The following FLRT2 variants were observed in gnomAD, a reference collection of about 807,000 sequenced individuals.
The protein encoded by FLRT2 is leucine-rich repeat transmembrane protein FLRT2.
A neutral mutation model predicts 40.0 loss-of-function variants in FLRT2; 15 were observed. The ratio of observed to expected loss-of-function variants is 0.38; its 90% CI spans 0.25 to 0.58. The LOEUF is 0.58. Among genes scored for constraint, FLRT2 ranks in the 20% least tolerant of loss-of-function variants. The pLI is 0.71. For missense variants in FLRT2, 726 were observed against 840.0 expected (o/e 0.86, Z 1.68); for synonymous variants, 380 against 336.8 (o/e 1.13, Z -1.41).
chr14:85,643,350 TCTTTCTTC>T lies in FLRT2; in HGVS notation c.*19857_*19864del, dbSNP rs1437194031. ...TTCTTTCTTTCTTTCTTTCTTTCTT[TCTTTCTTC>T]CTTCCTTCCTTCCTTCCTTTCTTTC... On this transcript the variant is annotated 3_prime_UTR_variant, in exon 2 of 2. Transcript: ENST00000330753. 0.011 allele frequency: 460 copies of T among 42,716 alleles called. 9 individuals are homozygous for T. Among genetic ancestry groups the T allele is most frequent in the African/African-American group, 0.031 (432 of 13,962 alleles). 2.6% of individuals were successfully genotyped at this position (42,716 alleles called of 1,614,324 possible).
chr14:85,585,190 C>T (rs1214338145), intron 1 of FLRT2, among the ~76,000 whole-genome samples: 1 of 152,120 alleles, frequency 6.6e-6, no homozygotes, highest in Non-Finnish European at 1.5e-5. Context: ...AGTCATCTGT[C>T]ATCAACACTC....
intron 1 of FLRT2, among the ~76,000 whole-genome samples, chr14:85,553,307 A>G (rs1182192568): frequency 1.3e-5 from 2 of 152,204 alleles, no homozygotes; most frequent in Admixed American, 1.3e-4. Flanking sequence ...GTAGTGGCCA[A>G]CTTTTAAATT....
rs75026625 is a variant in FLRT2, at chr14:85,638,568, A to G, written c.*15071A>G. ...TGTATGCTACTCTGTCTCAGAGTCC[A>G]TTTCCTTGGGAACCCAACCTGCTAC... On this transcript the variant is annotated 3_prime_UTR_variant, in exon 2 of 2. Coordinates refer to ENST00000330753, the MANE Select transcript of FLRT2 (RefSeq NM_013231.6). 4,421 of 152,208 alleles carry G rather than the reference A, an allele frequency of 0.029. 99 individuals carry two copies. The highest frequency in any genetic ancestry group is 0.098 in the East Asian group (507 of 5,158). 9.4% of individuals were successfully genotyped at this position (152,208 alleles called of 1,614,324 possible).
At chr14:85,602,872 G>T (rs1473365964) in intron 1 of FLRT2, among the ~76,000 whole-genome samples, 1 of 152,108 alleles carries the variant, frequency 6.6e-6, no homozygotes, top group East Asian at 1.9e-4. Context: ...CCAGAATAAT[G>T]ATTACCTCTG....
Position 85,623,550 on chromosome 14 carries a change from C to G in FLRT2, c.*53C>G, listed in dbSNP as rs1439566588. ...GGACAATTAGACTCTTGAGAACACA[C>G]TCGTGTGTGCACATAAAGACACGCA... On this transcript the variant is annotated 3_prime_UTR_variant, in exon 2 of 2. Coordinates refer to ENST00000330753, the MANE Select transcript of FLRT2 (RefSeq NM_013231.6). 1 of 1,339,364 alleles carries G rather than the reference C, an allele frequency of 7.5e-7. No homozygotes were observed. Among genetic ancestry groups the G allele is most frequent in the African/African-American group, 1.5e-5 (1 of 67,806 alleles). The allele number at this position is 1,339,364 out of a possible 1,614,324, so 83.0% of individuals were successfully genotyped here. A position where few individuals can be genotyped will look rare whatever the true frequency, so the allele number is the denominator to read the frequency against.
At position 85,643,354 on chromosome 14, in the gene FLRT2, T is replaced by TCTTCCTTCCTTCCTTCCTTC. The variant is rs67796225; in HGVS notation, c.*19861_*19880dup. Reference sequence around the variant, plus strand: ...TTCTTTCTTTCTTTCTTTCTTTCTTTCTTCCTTCCTTCCTTCCTTCCTTTC... The same window carrying TCTTCCTTCCTTCCTTCCTTC: ...TTCTTTCTTTCTTTCTTTCTTTCTTTCTTCCTTCCTTCCTTCCTTCCTTCCTTCCTTCCTTCCTTCCTTTC... On this transcript the variant is annotated 3_prime_UTR_variant, in exon 2 of 2. Coordinates refer to ENST00000330753, the MANE Select transcript of FLRT2 (RefSeq NM_013231.6). The TCTTCCTTCCTTCCTTCCTTC allele has an allele frequency of 1.0e-3, 46 of 46,078 alleles. 1 individual carries two copies. Among genetic ancestry groups the TCTTCCTTCCTTCCTTCCTTC allele is most frequent in the African/African-American group, 2.3e-3 (31 of 13,280 alleles). The allele number at this position is 46,078 out of a possible 1,614,324, so 2.9% of individuals were successfully genotyped here. A position where few individuals can be genotyped will look rare whatever the true frequency, so the allele number is the denominator to read the frequency against.
chr14:85,537,885 G>A (rs539263428), intron 1 of FLRT2, among the ~76,000 whole-genome samples: 2 of 150,296 alleles, frequency 1.3e-5, no homozygotes, highest in South Asian at 2.1e-4. Context: ...ACATCTACTG[G>A]TGTTTTTGGT....
At chr14:85,590,052 G>C (rs1033224026) in intron 1 of FLRT2, among the ~76,000 whole-genome samples, 17 of 100,130 alleles carry the variant, frequency 1.7e-4, no homozygotes, top group Non-Finnish European at 2.6e-4. Flanking sequence ...TGTTGTTTTT[G>C]CTCAGATTTT....
intron 1 of FLRT2, among the ~76,000 whole-genome samples, chr14:85,550,033 T>C (rs1007105619): frequency 2.3e-5 from 2 of 88,430 alleles, no homozygotes; most frequent in Non-Finnish European, 5.4e-5. Flanking sequence ...ACCACTTATT[T>C]CTGGGAAAAA....
At chr14:85,549,178 A>G (rs1288407677) in intron 1 of FLRT2, among the ~76,000 whole-genome samples, 2 of 152,198 alleles carry the variant, frequency 1.3e-5, no homozygotes, top group Non-Finnish European at 1.5e-5. Flanking sequence ...GATGCCAGAC[A>G]GTGACCCAGG....
Position 85,625,066 on chromosome 14 carries a change from T to C in FLRT2, c.*1569T>C, listed in dbSNP as rs963664282. Reference sequence around the variant, plus strand: ...AGAGCAGGGCGTAGAAAAGAGAGGATGTCCGTGCTTAATTCTAGATACTTT... The same window carrying C: ...AGAGCAGGGCGTAGAAAAGAGAGGACGTCCGTGCTTAATTCTAGATACTTT... On this transcript the variant is annotated 3_prime_UTR_variant, in exon 2 of 2. Coordinates refer to ENST00000330753, the MANE Select transcript of FLRT2 (RefSeq NM_013231.6). 1.2e-5 allele frequency: 2 copies of C among 167,032 alleles called. No individual in the cohort carries two copies. The highest frequency in any genetic ancestry group is 4.8e-5 in the African/African-American group (2 of 41,444). 10.3% of individuals were successfully genotyped at this position (167,032 alleles called of 1,614,324 possible). A position where few individuals can be genotyped will look rare whatever the true frequency, so the allele number is the denominator to read the frequency against.
At chr14:85,560,234 A>G (rs1406516077) in intron 1 of FLRT2, among the ~76,000 whole-genome samples, 1 of 152,100 alleles carries the variant, frequency 6.6e-6, no homozygotes, top group Non-Finnish European at 1.5e-5. Context: ...CAGTTAATTG[A>G]AACTAAGTCT....
At position 85,652,360 on chromosome 14, in the gene FLRT2, A is replaced by G. The variant is rs1206165976; in HGVS notation, c.*28863A>G. On this transcript the variant is annotated 3_prime_UTR_variant, in exon 2 of 2. Transcript: ENST00000330753. ...GGGAAAGACTTCTATTTCTTATGAC[A>G]TGCTTCCTTTTCATTGAGGAATACC... is the stretch of plus-strand genomic sequence containing the variant. 3.3e-5 allele frequency: 5 copies of G among 152,102 alleles called. No homozygotes were observed. The highest frequency in any genetic ancestry group is 1.2e-4 in the African/African-American group (5 of 41,440). The allele number at this position is 152,102 out of a possible 1,614,324, so 9.4% of individuals were successfully genotyped here. A position where few individuals can be genotyped will look rare whatever the true frequency, so the allele number is the denominator to read the frequency against.
chr14:85,587,520 C>G (rs919728395), intron 1 of FLRT2, among the ~76,000 whole-genome samples: 1 of 152,110 alleles, frequency 6.6e-6, no homozygotes, highest in African/African-American at 2.4e-5. Flanking sequence ...GTCATTTTAA[C>G]TGGAACTTGA....
chr14:85,562,760 G>T (rs1890424078), intron 1 of FLRT2: 1 of 151,766 alleles, frequency 6.6e-6, no homozygotes, highest in Non-Finnish European at 1.5e-5. Flanking sequence ...ATTGCATCAT[G>T]TTCTTCAAAA....
At chr14:85,563,779 G>A (rs1309325498) in intron 1 of FLRT2, among the ~76,000 whole-genome samples, 2 of 152,074 alleles carry the variant, frequency 1.3e-5, no homozygotes, top group Non-Finnish European at 2.9e-5. Context: ...AGTACTTTAT[G>A]TAATCTTAAA....
chr14:85,633,293 C>A lies in FLRT2; in HGVS notation c.*9796C>A, dbSNP rs900684833. On this transcript the variant is annotated 3_prime_UTR_variant, in exon 2 of 2. Coordinates refer to ENST00000330753, the MANE Select transcript of FLRT2 (RefSeq NM_013231.6). ...GCCATGGGATAACACACAACCATGG[C>A]AGGCCTTTTTTCTCATGGTGTGTGG... 6.6e-6 allele frequency: 1 copy of A among 152,098 alleles called. No individual in the cohort carries two copies. The highest frequency in any genetic ancestry group is 2.4e-5 in the African/African-American group (1 of 41,434). 9.4% of individuals were successfully genotyped at this position (152,098 alleles called of 1,614,324 possible). A position where few individuals can be genotyped will look rare whatever the true frequency, so the allele number is the denominator to read the frequency against.
intron 1 of FLRT2, among the ~76,000 whole-genome samples, chr14:85,593,221 A>AT (rs1167069304): frequency 6.6e-6 from 1 of 151,934 alleles, no homozygotes; most frequent in Non-Finnish European, 1.5e-5. Flanking sequence ...TTAACTTTTA[A>AT]TTTTTTTTGA....
At chr14:85,599,219 C>CTTT (rs67876387) in intron 1 of FLRT2, among the ~76,000 whole-genome samples, 7 of 129,330 alleles carry the variant, frequency 5.4e-5, no homozygotes, top group African/African-American at 1.7e-4. Flanking sequence ...TGCGCCTGGC[C>CTTT]TTTTTTTTTT....
Sources: gnomAD v4.1 joint callset for allele counts (sites outside exome capture counted in the v4.1 genomes callset) on GRCh38, gnomAD v4.1.1 for gene constraint, MANE v1.5 for transcripts, NCBI Gene and HGNC (gene_info 2026-07-23, HGNC 2026-07-21) for gene names.